CNTN5: variants seen among roughly 807,000 people sequenced by gnomAD.
CNTN5 encodes contactin-5.
Under a neutral mutation model 129.1 loss-of-function variants are expected in CNTN5, and 77 were observed. That is an observed-to-expected ratio of 0.60 (90% CI 0.50 to 0.72). CNTN5 has a LOEUF of 0.72. Among genes scored for constraint, CNTN5 ranks in the 30% least tolerant of loss-of-function variants. The pLI is 0.00. For synonymous variants in CNTN5, 509 were observed against 465.6 expected, an observed-to-expected ratio of 1.09 and a Z score of -1.20; for missense variants, 1,478 against 1,328.8, an observed-to-expected ratio of 1.11 and a Z score of -1.75.
At chr11:99,909,868 G>A (rs950761027) in intron 6 of CNTN5, among the ~76,000 whole-genome samples, 56 of 151,948 alleles carry the variant, frequency 3.7e-4, no homozygotes, top group Non-Finnish European at 7.6e-4. Context: ...ATTAAATGAC[G>A]AGTTACTGGG....
At chr11:99,741,956 C>G (rs1943901277) in intron 3 of CNTN5, among the ~76,000 whole-genome samples, 1 of 151,830 alleles carries the variant, frequency 6.6e-6, no homozygotes, top group Admixed American at 6.6e-5. Flanking sequence ...ATTTTACTAA[C>G]AAGAAGAAAA....
intron 3 of CNTN5, among the ~76,000 whole-genome samples, chr11:99,636,370 TTC>T (rs1287791296): frequency 2.6e-5 from 1 of 38,300 alleles, no homozygotes; most frequent in African/African-American, 9.9e-5. Flanking sequence ...ATCAAATGAG[TTC>T]TTTTTTTTTT....
At chr11:99,586,909 T>G (rs904136643) in intron 3 of CNTN5, among the ~76,000 whole-genome samples, 39 of 152,244 alleles carry the variant, frequency 2.6e-4, no homozygotes, top group African/African-American at 9.4e-4. Flanking sequence ...ATATGTAAGC[T>G]TATCCAGGAA....
At chr11:99,482,801 C>G (rs1465589841) in intron 2 of CNTN5, among the ~76,000 whole-genome samples, 1 of 151,146 alleles carries the variant, frequency 6.6e-6, no homozygotes, top group East Asian at 2.0e-4. Flanking sequence ...CGGAACTTCA[C>G]TAAAATTAAA....
chr11:99,472,518 T>A (rs778425860), intron 2 of CNTN5, among the ~76,000 whole-genome samples: 4 of 152,216 alleles, frequency 2.6e-5, no homozygotes, highest in Non-Finnish European at 4.4e-5. Flanking sequence ...AGTTTTTCTG[T>A]CTGTTTGTTC....
chr11:99,593,042 G>C (rs923567771), intron 3 of CNTN5, among the ~76,000 whole-genome samples: 1 of 152,174 alleles, frequency 6.6e-6, no homozygotes, highest in African/African-American at 2.4e-5. Flanking sequence ...TCAACAAATA[G>C]ATTTTTAGCA....
intron 3 of CNTN5, among the ~76,000 whole-genome samples, chr11:99,760,726 A>G (rs1433489633): frequency 6.6e-6 from 1 of 152,052 alleles, no homozygotes; most frequent in Non-Finnish European, 1.5e-5. Flanking sequence ...AGCTTTGTTT[A>G]CTTTATGTTA....
chr11:99,381,232 G>A (rs1486611239), intron 2 of CNTN5, among the ~76,000 whole-genome samples: 2 of 152,110 alleles, frequency 1.3e-5, no homozygotes, highest in Non-Finnish European at 2.9e-5. Context: ...GAGCCAACAG[G>A]GACAAGAGGA....
At chr11:100,297,550 G>T in intron 18 of CNTN5, 75 bp from the exon 19 acceptor site, 2 of 1,099,600 alleles carry the variant, frequency 1.8e-6, no homozygotes, top group South Asian at 1.3e-5. Flanking sequence ...ACAAACTTCT[G>T]ACTTATCTCA....
In CNTN5 at chr11:99,933,727, G is replaced by A. The variant is rs988393725; in HGVS notation, c.673+17578G>A. On this transcript the variant is annotated intron_variant, in intron 7 of 24. Transcript: ENST00000524871. ...TTAGGTTGGTGCAAACGTAATTGTC[G>A]TTTTTGCCATTAAAACTAATGATAG... 1.4e-4 allele frequency among the ~76,000 whole-genome samples: 22 copies of A among 152,212 alleles called. No homozygotes were observed. The East Asian group carries it at 2.5e-3, about 17-fold the overall frequency.
At chr11:99,320,041 AC>A (rs927362025) in intron 1 of CNTN5, among the ~76,000 whole-genome samples, 1 of 152,118 alleles carries the variant, frequency 6.6e-6, no homozygotes, top group African/African-American at 2.4e-5. Flanking sequence ...GGAGTTCGAG[AC>A]CAGCCTGGCC....
At chr11:99,515,315 T>C (rs1277976542) in intron 2 of CNTN5, among the ~76,000 whole-genome samples, 2 of 152,108 alleles carry the variant, frequency 1.3e-5, no homozygotes, top group Non-Finnish European at 2.9e-5. Flanking sequence ...TTAGAATTGA[T>C]AGCCACAGCC....
chr11:100,070,438 G>C lies in CNTN5; in HGVS notation c.1177G>C (p.Val393Leu), dbSNP rs373783384. ...CATACTTACAGCCTACCCACACTGG[G>C]TAGAAAAACTGAATGATACTCAGTT... ...QLQVYTYPHW[V>L]EKLNDTQLDS... Residue 393 changes from valine (V) to leucine (L), a missense_variant, in exon 11 of 25, where the codon GTA becomes CTA. Physicochemically the swap from Val to Leu is conservative, Grantham distance 32. Coordinates refer to ENST00000524871, the MANE Select transcript of CNTN5 (RefSeq NM_014361.4). 4.3e-6 allele frequency: 7 copies of C among 1,611,928 alleles called. No homozygotes were observed. The highest frequency in any genetic ancestry group is 2.7e-5 in the African/African-American group (2 of 74,840).
chr11:100,035,247 A>C (rs1260464286), intron 9 of CNTN5, among the ~76,000 whole-genome samples: 1 of 151,388 alleles, frequency 6.6e-6, no homozygotes, highest in Non-Finnish European at 1.5e-5. Context: ...GTGATAGTTT[A>C]CTGAGAATGA....
chr11:99,100,032 A>G (rs1289679936), intron 1 of CNTN5, among the ~76,000 whole-genome samples: 1 of 152,166 alleles, frequency 6.6e-6, no homozygotes, highest in Non-Finnish European at 1.5e-5. Flanking sequence ...TTTAAAACAT[A>G]CTTTTTATGG....
intron 13 of CNTN5, among the ~76,000 whole-genome samples, chr11:100,170,415 A>C (rs1182559853): frequency 6.6e-6 from 1 of 151,996 alleles, no homozygotes; most frequent in Non-Finnish European, 1.5e-5. Context: ...TATCCAAACA[A>C]TACTATCATA....
At position 99,196,725 on chromosome 11, in the gene CNTN5, T is replaced by C. The variant is rs568915241; in HGVS notation, c.-209-128621T>C. Reference sequence around the variant, plus strand: ...TTGTATTGTTAAAAAGTGAGTATATTGTTTATTTTAATATATCATGATGCA... The same window carrying C: ...TTGTATTGTTAAAAAGTGAGTATATCGTTTATTTTAATATATCATGATGCA... On this transcript the variant is annotated intron_variant, in intron 1 of 24. Coordinates refer to ENST00000524871, the MANE Select transcript of CNTN5 (RefSeq NM_014361.4). Among the ~76,000 whole-genome samples the C allele has an allele frequency of 3.9e-5, 6 of 152,078 alleles. No homozygotes were observed. The East Asian group carries it at 1.2e-3, about 29-fold the overall frequency.
intron 6 of CNTN5, among the ~76,000 whole-genome samples, chr11:99,910,636 A>G (rs975626288): frequency 6.6e-6 from 1 of 152,132 alleles, no homozygotes; most frequent in Non-Finnish European, 1.5e-5. Context: ...TCTATTAAAT[A>G]TATGACTGCA....
At chr11:99,387,018 A>T (rs1940962487) in intron 2 of CNTN5, among the ~76,000 whole-genome samples, 1 of 152,150 alleles carries the variant, frequency 6.6e-6, no homozygotes, top group African/African-American at 2.4e-5. Flanking sequence ...TGGTCATTTT[A>T]TAAAATGTTA....
Sources: gnomAD v4.1 joint callset for allele counts (sites outside exome capture counted in the v4.1 genomes callset) on GRCh38, gnomAD v4.1.1 for gene constraint, MANE v1.5 for transcripts, NCBI Gene and HGNC (gene_info 2026-07-23, HGNC 2026-07-21) for gene names.